Variants in CEP83 observed in about 807,000 individuals in gnomAD.
The protein encoded by CEP83 is centrosomal protein of 83 kDa.
In CEP83, 70 loss-of-function variants were observed where a neutral mutation model predicts 101.9. The ratio of observed to expected loss-of-function variants is 0.69; its 90% CI spans 0.57 to 0.84. The LOEUF is 0.84. Ranked by LOEUF, CEP83 falls within the 40% of genes least tolerant of loss-of-function variation. The pLI is 0.00. For synonymous variants in CEP83, 264 were observed against 267.9 expected (o/e 0.99, Z 0.14); for missense variants, 715 against 787.2 (o/e 0.91, Z 1.10).
At chr12:94,375,210 A>T (rs1252681277) in intron 8 of CEP83, among the ~76,000 whole-genome samples, 1 of 152,204 alleles carries the variant, frequency 6.6e-6, no homozygotes, top group Non-Finnish European at 1.5e-5. Flanking sequence ...AGAGCTATGA[A>T]GCAGGTAAGG....
intron 8 of CEP83, among the ~76,000 whole-genome samples, chr12:94,371,949 C>A (rs1416280327): frequency 1.3e-5 from 2 of 151,988 alleles, no homozygotes; most frequent in African/African-American, 4.8e-5. Flanking sequence ...AAATGGTGAC[C>A]CTGTGCTGAC....
chr12:94,319,611 C>T (rs948994224), intron 14 of CEP83, among the ~76,000 whole-genome samples: 1 of 152,114 alleles, frequency 6.6e-6, no homozygotes, highest in African/African-American at 2.4e-5. Context: ...CGATTTCTGC[C>T]TTAATTTCAT....
At chr12:94,333,045 C>CAAAAAAAAAA (rs34900007) in intron 13 of CEP83, among the ~76,000 whole-genome samples, 2 of 73,164 alleles carry the variant, frequency 2.7e-5, no homozygotes, top group Non-Finnish European at 4.8e-5. Context: ...ATTTTAAGAC[C>CAAAAAAAAAA]AAAAAAAAAA....
intron 6 of CEP83, among the ~76,000 whole-genome samples, chr12:94,394,295 G>C (rs571665597): frequency 1.3e-4 from 20 of 152,104 alleles, no homozygotes; most frequent in Non-Finnish European, 2.6e-4. Flanking sequence ...CAATGGAACA[G>C]AACAGAGGCC....
At chr12:94,266,652 C>T in the CEP83 span, among the ~76,000 whole-genome samples, 1 of 152,228 alleles carries the variant, frequency 6.6e-6, no homozygotes, top group Non-Finnish European at 1.5e-5. Context: ...GCCTCTGCCA[C>T]TGGTTAGCTG....
intron 6 of CEP83, among the ~76,000 whole-genome samples, chr12:94,385,871 C>A (rs1262424181): frequency 1.3e-5 from 2 of 152,138 alleles, no homozygotes; most frequent in African/African-American, 4.8e-5. Context: ...ACTGTTTAAA[C>A]CTTTTCTATG....
chr12:94,322,955 A>C (rs901931855), intron 14 of CEP83, among the ~76,000 whole-genome samples: 3 of 152,204 alleles, frequency 2.0e-5, no homozygotes, highest in African/African-American at 7.2e-5. Context: ...GGACCTGCAT[A>C]AAAAAGCAGT....
the CEP83 span, among the ~76,000 whole-genome samples, chr12:94,273,764 A>G: frequency 1.8e-4 from 27 of 152,314 alleles, no homozygotes; most frequent in East Asian, 4.6e-3. Context: ...AGACGAATCT[A>G]CCTCAGCATC....
chr12:94,288,621 C>T, the CEP83 span, among the ~76,000 whole-genome samples: 28 of 152,334 alleles, frequency 1.8e-4, no homozygotes, highest in Admixed American at 1.5e-3. Context: ...GATGTTCTGA[C>T]GGCCCCTTCC....
chr12:94,444,499 T>C (rs2066653527), intron 1 of CEP83, among the ~76,000 whole-genome samples: 1 of 152,256 alleles, frequency 6.6e-6, no homozygotes, highest in South Asian at 2.1e-4. Flanking sequence ...TTTCATTTAG[T>C]AATTCTAATT....
downstream of CEP83, chr12:94,304,223 G>GC (rs778782630): frequency 1.7e-4 from 89 of 528,926 alleles, 1 homozygote; most frequent in Admixed American, 1.2e-3. Flanking sequence ...GTACATGGCT[G>GC]CCCCCCTTAC....
intron 12 of CEP83, among the ~76,000 whole-genome samples, chr12:94,334,362 T>A (rs1436400544): frequency 6.6e-6 from 1 of 152,144 alleles, no homozygotes; most frequent in Non-Finnish European, 1.5e-5. Context: ...TCATAAGAAG[T>A]CTAGTTACAG....
chr12:94,394,009 T>C (rs1227465022), intron 6 of CEP83, among the ~76,000 whole-genome samples: 2 of 152,216 alleles, frequency 1.3e-5, no homozygotes, highest in Non-Finnish European at 2.9e-5. Flanking sequence ...TCCATGCTTA[T>C]GGATAGGAAG....
At chr12:94,400,100 A>C (rs1413550682) in intron 6 of CEP83, among the ~76,000 whole-genome samples, 1 of 152,262 alleles carries the variant, frequency 6.6e-6, no homozygotes, top group Non-Finnish European at 1.5e-5. Context: ...AATGCAATAA[A>C]TTTAAAATGT....
chr12:94,368,291 G>T, intron 9 of CEP83, 90 bp from the exon 10 acceptor site: 1 of 918,804 alleles, frequency 1.1e-6, no homozygotes, highest in Non-Finnish European at 1.6e-6. Flanking sequence ...AAGCTGGTAA[G>T]ACAAATGAAT....
At chr12:94,452,425 G>T (rs923817642) in intron 1 of CEP83, among the ~76,000 whole-genome samples, 1 of 152,120 alleles carries the variant, frequency 6.6e-6, no homozygotes, top group East Asian at 1.9e-4. Context: ...GTTGATAGTT[G>T]TAGTAATCAA....
intron 2 of CEP83, among the ~76,000 whole-genome samples, chr12:94,434,793 T>C (rs2065879185): frequency 6.6e-6 from 1 of 152,182 alleles, no homozygotes; most frequent in African/African-American, 2.4e-5. Context: ...AGCCTGAAGG[T>C]AATTTTATTT....
At chr12:94,294,141 G>C in the CEP83 span, among the ~76,000 whole-genome samples, 1 of 152,128 alleles carries the variant, frequency 6.6e-6, no homozygotes, top group Admixed American at 6.5e-5. Flanking sequence ...CTGCGAATTG[G>C]GGGGAATGTC....
intron 2 of CEP83, among the ~76,000 whole-genome samples, chr12:94,426,876 C>G (rs1341806617): frequency 6.6e-6 from 1 of 152,104 alleles, no homozygotes; most frequent in Non-Finnish European, 1.5e-5. Flanking sequence ...CCACAAAAAG[C>G]TGGAAAAGGC....
Sources: gnomAD v4.1 joint callset for allele counts (sites outside exome capture counted in the v4.1 genomes callset) on GRCh38, gnomAD v4.1.1 for gene constraint, MANE v1.5 for transcripts, NCBI Gene and HGNC (gene_info 2026-07-23, HGNC 2026-07-21) for gene names.